The following SHISAL2B variants were observed in gnomAD, a reference collection of about 807,000 sequenced individuals.
SHISAL2B encodes the protein shisa like 2B.
In SHISAL2B, 12 loss-of-function variants were observed where a neutral mutation model predicts 16.5. That is an observed-to-expected ratio of 0.73 (90% CI 0.47 to 1.18). The LOEUF (loss-of-function observed/expected upper bound fraction) is 1.18, where lower values mean the gene tolerates loss of function less well. Ranked by LOEUF, SHISAL2B falls within the 50% of genes most tolerant of loss-of-function variation. SHISAL2B has a pLI of 0.00. For missense variants in SHISAL2B, 183 were observed against 193.6 expected (o/e 0.95, Z 0.33); for synonymous variants, 72 against 75.0 (o/e 0.96, Z 0.21).
rs1193067260 is a variant in SHISAL2B at position 64,714,106 on chromosome 5, G to C, written c.350-3783G>C. On this transcript the variant is annotated intron_variant, in intron 2 of 2. Coordinates refer to ENST00000389074, the MANE Select transcript of SHISAL2B (RefSeq NM_001164442.2). ...GAGGAACTGCGTTCCTTTGGAGGAG[G>C]AGAGGTGCTCTGTGTTTTAGAGTTT... Among the ~76,000 whole-genome samples, 592 of 151,258 alleles carry C rather than the reference G, an allele frequency of 3.9e-3. 2 individuals carry two copies. The highest frequency in any genetic ancestry group is 0.013 in the African/African-American group (550 of 40,776).
At chr5:64,694,300 A>T in intron 1 of SHISAL2B, 1 of 264,128 alleles carries the variant, frequency 3.8e-6, no homozygotes, top group South Asian at 3.7e-5. Flanking sequence ...CAACACTACC[A>T]TGAAAGTTGA....
At chr5:64,708,261 T>A (rs1303422424) in intron 2 of SHISAL2B, among the ~76,000 whole-genome samples, 3 of 152,126 alleles carry the variant, frequency 2.0e-5, no homozygotes, top group Non-Finnish European at 4.4e-5. Context: ...ATAAGCCAAA[T>A]ATGTCTCTTT....
intron 1 of SHISAL2B, 71 bp downstream of exon 1, chr5:64,690,885 C>A (rs1741637726): frequency 7.5e-7 from 1 of 1,338,542 alleles, no homozygotes; most frequent in Non-Finnish European, 9.9e-7. Flanking sequence ...CGGAGCCACG[C>A]CAGGGCCAGG....
chr5:64,701,163 A>C (rs992043842), intron 2 of SHISAL2B, among the ~76,000 whole-genome samples: 1 of 152,196 alleles, frequency 6.6e-6, no homozygotes, highest in Non-Finnish European at 1.5e-5. Flanking sequence ...CAAGAAAAAA[A>C]GTCTGTACAT....
At chr5:64,702,532 ATATAGTTCGAAG>A (rs1169497547) in intron 2 of SHISAL2B, among the ~76,000 whole-genome samples, 1 of 152,098 alleles carries the variant, frequency 6.6e-6, no homozygotes, top group African/African-American at 2.4e-5. Context: ...ATATTTTCTA[ATATAGTTCGAAG>A]TATTAGTAAT....
chr5:64,705,749 A>G (rs948443913), intron 2 of SHISAL2B, among the ~76,000 whole-genome samples: 1 of 152,228 alleles, frequency 6.6e-6, no homozygotes, highest in Non-Finnish European at 1.5e-5. Context: ...TTATTTTGCC[A>G]AGGTTAACGA....
At position 64,706,285 on chromosome 5, in the gene SHISAL2B, A is replaced by C. The variant is rs554752253; in HGVS notation, c.349+10621A>C. 4.6e-5 allele frequency among the ~76,000 whole-genome samples: 7 copies of C among 152,312 alleles called. No homozygotes were observed. In the South Asian group the frequency reaches 1.0e-3, roughly 23 times the overall value. ...TGAGTCCTTGATCAGCCTTCCACTAAATACACAATTTAGTCTGGCTCAGTG... is the reference window on the plus strand; with the variant it reads ...TGAGTCCTTGATCAGCCTTCCACTACATACACAATTTAGTCTGGCTCAGTG... On this transcript the variant is annotated intron_variant, in intron 2 of 2. Transcript: ENST00000389074.
rs1197183805 is a variant in SHISAL2B, at chr5:64,695,639, C to G, written c.324C>G (p.His108Gln). 1.3e-6 allele frequency: 2 copies of G among 1,534,080 alleles called. No homozygotes were observed. Among genetic ancestry groups the G allele is most frequent in the African/African-American group, 2.7e-5 (2 of 72,920 alleles). The change falls in exon 2 of 3, where the codon CAC (histidine) becomes CAG (glutamine). Residue 108 changes from histidine to glutamine, a missense_variant. Coordinates refer to ENST00000389074, the MANE Select transcript of SHISAL2B (RefSeq NM_001164442.2). ...QRLDTGLKLQ[H>Q]LEASSTQEGK... ...TAGACACTGGCCTTAAGCTTCAACA[C>G]TTAGAGGCTTCTTCCACTCAAGAAG...
At chr5:64,708,860 T>TA (rs1483786077) in intron 2 of SHISAL2B, among the ~76,000 whole-genome samples, 1 of 152,122 alleles carries the variant, frequency 6.6e-6, no homozygotes, top group East Asian at 1.9e-4. Flanking sequence ...TTAAGTAACT[T>TA]ATTTTACTAC....
chr5:64,695,726 C>T, intron 2 of SHISAL2B, 62 bp downstream of exon 2: 1 of 1,243,038 alleles, frequency 8.0e-7, no homozygotes, highest in South Asian at 1.8e-5. Context: ...ATAACTTGTA[C>T]CTGGGTGATA....
At chr5:64,697,393 T>C (rs139153211) in intron 2 of SHISAL2B, among the ~76,000 whole-genome samples, 184 of 152,354 alleles carry the variant, frequency 1.2e-3, no homozygotes, top group African/African-American at 3.5e-3. Flanking sequence ...TATTGGGATT[T>C]ATATGTGTGT....
At chr5:64,717,043 G>C (rs1258041486) in intron 2 of SHISAL2B, among the ~76,000 whole-genome samples, 1 of 152,184 alleles carries the variant, frequency 6.6e-6, no homozygotes, top group African/African-American at 2.4e-5. Flanking sequence ...TCAAGGACCA[G>C]AGGTTTTTGG....
intron 2 of SHISAL2B, among the ~76,000 whole-genome samples, chr5:64,709,881 G>C (rs965963790): frequency 3.3e-5 from 5 of 151,986 alleles, no homozygotes; most frequent in Admixed American, 3.3e-4. Context: ...CTTTTTGATG[G>C]GGTTGTTTTT....
intron 2 of SHISAL2B, among the ~76,000 whole-genome samples, chr5:64,709,738 T>C (rs1212238785): frequency 4.0e-5 from 6 of 151,416 alleles, no homozygotes; most frequent in African/African-American, 1.5e-4. Flanking sequence ...TTCTAACTGG[T>C]GTGAGATGGT....
intron 2 of SHISAL2B, among the ~76,000 whole-genome samples, chr5:64,714,937 G>C (rs1486626020): frequency 2.0e-5 from 3 of 152,094 alleles, no homozygotes; most frequent in African/African-American, 7.2e-5. Context: ...TGCGCCCACT[G>C]TCTGGCACTC....
intron 1 of SHISAL2B, among the ~76,000 whole-genome samples, chr5:64,693,254 G>A (rs375429471): frequency 7.9e-5 from 12 of 152,062 alleles, no homozygotes; most frequent in East Asian, 7.7e-4. Flanking sequence ...TGATTCGCCC[G>A]CCTCAGCCTC....
chr5:64,696,057 G>C (rs1320460637), intron 2 of SHISAL2B, among the ~76,000 whole-genome samples: 1 of 152,220 alleles, frequency 6.6e-6, no homozygotes, highest in Non-Finnish European at 1.5e-5. Flanking sequence ...AGCCACAGCA[G>C]AGGAACATAA....
intron 2 of SHISAL2B, among the ~76,000 whole-genome samples, chr5:64,702,108 T>TAAA (rs1469666753): frequency 2.0e-5 from 3 of 152,284 alleles, no homozygotes; most frequent in Admixed American, 2.0e-4. Flanking sequence ...GATTCAAGTA[T>TAAA]AAAAAATAAA....
chr5:64,702,159 A>T (rs989412697), intron 2 of SHISAL2B, among the ~76,000 whole-genome samples: 5 of 152,146 alleles, frequency 3.3e-5, no homozygotes, highest in African/African-American at 1.2e-4. Context: ...TTTCCAGTAT[A>T]GTTTATATTT....
Sources: gnomAD v4.1 joint callset for allele counts (sites outside exome capture counted in the v4.1 genomes callset) on GRCh38, gnomAD v4.1.1 for gene constraint, MANE v1.5 for transcripts, NCBI Gene and HGNC (gene_info 2026-07-23, HGNC 2026-07-21) for gene names.